The following PCDH11X variants were observed in gnomAD, a reference collection of about 807,000 sequenced individuals.
PCDH11X encodes protocadherin-11 X-linked.
In PCDH11X, 18 loss-of-function variants were observed where a neutral mutation model predicts 53.3. The ratio of observed to expected loss-of-function variants is 0.34; its 90% CI spans 0.23 to 0.50. The LOEUF (loss-of-function observed/expected upper bound fraction) is 0.50. Among genes scored for constraint, PCDH11X ranks in the 20% least tolerant of loss-of-function variants. PCDH11X has a pLI of 0.98. For missense variants in PCDH11X, 570 were observed against 1,032.4 expected, an observed-to-expected ratio of 0.55 and a Z score of 6.14; for synonymous variants, 279 against 393.3, an observed-to-expected ratio of 0.71 and a Z score of 3.44.
At chrX:92,260,062 G>A (rs930340191) in intron 7 of PCDH11X, among the ~76,000 whole-genome samples, 1 of 109,663 alleles carries the variant, frequency 9.1e-6, no homozygotes, top group Non-Finnish European at 1.9e-5. Context: ...GGGGTTAGGG[G>A]ATCAGTGATG....
intron 8 of PCDH11X, among the ~76,000 whole-genome samples, chrX:92,289,975 T>C (rs2068459844): frequency 9.0e-6 from 1 of 111,538 alleles, no homozygotes; most frequent in Non-Finnish European, 1.9e-5. Flanking sequence ...CTGAAACATA[T>C]TAGTTTAAAA....
intron 6 of PCDH11X, among the ~76,000 whole-genome samples, chrX:91,967,845 AT>A (rs1227720040): frequency 8.9e-6 from 1 of 112,265 alleles, no homozygotes; most frequent in Non-Finnish European, 1.9e-5. Context: ...TCTTAAAATA[AT>A]ACTGCTTGTT....
intron 6 of PCDH11X, among the ~76,000 whole-genome samples, chrX:92,106,268 T>C (rs181013009): frequency 1.1e-5 from 1 of 93,525 alleles, no homozygotes; most frequent in East Asian, 3.7e-4. Context: ...TGCTGAATCC[T>C]TCTACCCAAG....
At chrX:92,559,523 TATC>T (rs2075101827) in intron 10 of PCDH11X, among the ~76,000 whole-genome samples, 1 of 111,040 alleles carries the variant, frequency 9.0e-6, no homozygotes, top group Admixed American at 9.6e-5. Context: ...ATGGTTTTAA[TATC>T]ATATCATTAA....
At chrX:92,165,650 G>A (rs963308648) in intron 6 of PCDH11X, among the ~76,000 whole-genome samples, 8 of 111,421 alleles carry the variant, frequency 7.2e-5, no homozygotes, top group African/African-American at 2.6e-4. Flanking sequence ...AGTGATATAT[G>A]TTATTGATTT....
intron 8 of PCDH11X, among the ~76,000 whole-genome samples, chrX:92,293,955 A>T (rs772844998): frequency 9.1e-6 from 1 of 110,280 alleles, no homozygotes; most frequent in South Asian, 4.0e-4. Flanking sequence ...TTAGTTAATA[A>T]TAGTGTATAG....
At chrX:91,866,434 C>T (rs1382135016) in intron 5 of PCDH11X, among the ~76,000 whole-genome samples, 6 of 110,256 alleles carry the variant, frequency 5.4e-5, no homozygotes, top group Non-Finnish European at 1.1e-4. Context: ...GGTTCCCCAC[C>T]AGATAGGGCT....
intron 6 of PCDH11X, among the ~76,000 whole-genome samples, chrX:92,096,438 ATGTGTGTGTGTGTGTGTGTGTGTGTGTG>A (rs10591250): frequency 5.3e-5 from 5 of 94,395 alleles, no homozygotes; most frequent in African/African-American, 7.8e-5. Context: ...GTGTATGTGT[ATGTGTGTGTGTGTGTGTGTGTGTGTGTG>A]TGTGTGTGTA....
chrX:92,449,448 C>T (rs1431302338), intron 9 of PCDH11X, among the ~76,000 whole-genome samples: 1 of 111,558 alleles, frequency 9.0e-6, no homozygotes, highest in Non-Finnish European at 1.9e-5. Flanking sequence ...TCTGGTCAAC[C>T]TATTAATTCA....
At chrX:91,990,640 C>T (rs1350499882) in intron 6 of PCDH11X, among the ~76,000 whole-genome samples, 1 of 110,117 alleles carries the variant, frequency 9.1e-6, no homozygotes, top group Non-Finnish European at 1.9e-5. Flanking sequence ...GGGGGCACTG[C>T]CTCATTATTT....
chrX:92,419,525 C>A (rs987969901), intron 9 of PCDH11X, among the ~76,000 whole-genome samples: 7 of 107,417 alleles, frequency 6.5e-5, no homozygotes, highest in African/African-American at 2.4e-4. Context: ...TTTTTTTAAT[C>A]CAACCTGAAA....
intron 8 of PCDH11X, among the ~76,000 whole-genome samples, chrX:92,282,060 A>C (rs1441745767): frequency 9.0e-6 from 1 of 111,072 alleles, no homozygotes; most frequent in African/African-American, 3.3e-5. Flanking sequence ...GAAAAACAAG[A>C]AGAGGAGCAG....
Position 91,959,369 on chromosome X carries a change from G to A in PCDH11X, c.3033+80096G>A, listed in dbSNP as rs1033869539. ...CTGCAAAACACTGTAGTCACTATGC[G>A]GTATTTTAGAGCTTCAGAACTTATT... is the stretch of plus-strand genomic sequence containing the variant. On this transcript the variant is annotated intron_variant, in intron 6 of 10. Coordinates refer to ENST00000682573, the MANE Select transcript of PCDH11X (RefSeq NM_032968.5). Among the ~76,000 whole-genome samples, 10 of 110,728 alleles carry A rather than the reference G, an allele frequency of 9.0e-5. No homozygotes were observed. In the East Asian group the frequency reaches 1.1e-3, roughly 13 times the overall value.
chrX:92,299,125 C>T (rs35346983), intron 8 of PCDH11X, among the ~76,000 whole-genome samples: 5 of 110,704 alleles, frequency 4.5e-5, no homozygotes, highest in African/African-American at 1.3e-4. Flanking sequence ...TGGAGGCCTG[C>T]GGAGTTTCTC....
At chrX:92,390,102 A>G (rs2148576048) in intron 9 of PCDH11X, among the ~76,000 whole-genome samples, 1 of 111,076 alleles carries the variant, frequency 9.0e-6, no homozygotes, top group East Asian at 2.8e-4. Context: ...AGATATAATT[A>G]AAAATGAATG....
chrX:92,066,965 A>T lies in PCDH11X; in HGVS notation c.3034-134410A>T, dbSNP rs1328496319. Among the ~76,000 whole-genome samples the T allele has an allele frequency of 2.7e-5, 3 of 111,533 alleles. No individual in the cohort carries two copies. The East Asian group carries it at 8.5e-4, about 31-fold the overall frequency. ...CTAAAAACACAAAAATTAGCTGGGC[A>T]TGGTGGTGCATGCCTGTAATTCCAG... On this transcript the variant is annotated intron_variant, in intron 6 of 10. Coordinates refer to ENST00000682573, the MANE Select transcript of PCDH11X (RefSeq NM_032968.5).
chrX:91,912,841 A>G (rs1483945895), intron 6 of PCDH11X, among the ~76,000 whole-genome samples: 2 of 111,750 alleles, frequency 1.8e-5, no homozygotes, highest in Admixed American at 1.9e-4. Context: ...ACACTGCTGC[A>G]AATTCCACAA....
chrX:92,247,491 G>A (rs1484447136), intron 7 of PCDH11X, among the ~76,000 whole-genome samples: 1 of 111,940 alleles, frequency 8.9e-6, no homozygotes, highest in Non-Finnish European at 1.9e-5. Flanking sequence ...AAGTTTGGTG[G>A]CTTAAAACAA....
At chrX:92,039,431 C>T (rs1172696257) in intron 6 of PCDH11X, among the ~76,000 whole-genome samples, 1 of 111,173 alleles carries the variant, frequency 9.0e-6, no homozygotes, top group Non-Finnish European at 1.9e-5. Context: ...AACCACAAGA[C>T]AAAGTCCTTC....
Sources: gnomAD v4.1 joint callset for allele counts (sites outside exome capture counted in the v4.1 genomes callset) on GRCh38, gnomAD v4.1.1 for gene constraint, MANE v1.5 for transcripts, NCBI Gene and HGNC (gene_info 2026-07-23, HGNC 2026-07-21) for gene names.